Variants in OPCML observed in about 807,000 individuals in gnomAD.
OPCML encodes opioid-binding protein/cell adhesion molecule.
A neutral mutation model predicts 37.8 loss-of-function variants in OPCML; 13 were observed. The ratio of observed to expected loss-of-function variants is 0.34; its 90% CI spans 0.22 to 0.55. The LOEUF is 0.55. OPCML is among the 20% of genes least tolerant of loss of function. The pLI is 0.91. For missense variants in OPCML, 341 were observed against 435.6 expected, an observed-to-expected ratio of 0.78 and a Z score of 1.93; for synonymous variants, 176 against 168.8, an observed-to-expected ratio of 1.04 and a Z score of -0.33.
rs370306224 is a variant in OPCML at position 133,051,831 on chromosome 11, G to A, written c.62-108821C>T. ...TGGTGTTCCTCTCTCCACCGCCCAAGCCTGCATTTTCCAGATGGACAGCTC... is the reference window on the plus strand; with the variant it reads ...TGGTGTTCCTCTCTCCACCGCCCAAACCTGCATTTTCCAGATGGACAGCTC... On this transcript the variant is annotated intron_variant, in intron 1 of 7. Coordinates refer to ENST00000524381, the MANE Select transcript of OPCML (RefSeq NM_001012393.5). Among the ~76,000 whole-genome samples, 29 of 152,276 alleles carry A rather than the reference G, an allele frequency of 1.9e-4. 1 individual carries two copies. In the East Asian group the frequency reaches 2.9e-3, roughly 15 times the overall value.
At chr11:133,420,340 C>T (rs909194362) in intron 1 of OPCML, 1 of 985,386 alleles carries the variant, frequency 1.0e-6, no homozygotes, top group Non-Finnish European at 1.2e-6. Context: ...TTTTAGATAT[C>T]CTTTGCTGTT....
At chr11:133,333,916 G>C (rs1425806784) in intron 1 of OPCML, among the ~76,000 whole-genome samples, 2 of 152,128 alleles carry the variant, frequency 1.3e-5, no homozygotes, top group African/African-American at 4.8e-5. Context: ...GATCATTAGA[G>C]AAATGCAAAT....
At chr11:133,213,647 A>G (rs551552893) in intron 1 of OPCML, among the ~76,000 whole-genome samples, 10 of 152,284 alleles carry the variant, frequency 6.6e-5, no homozygotes, top group African/African-American at 2.2e-4. Context: ...GACTAGTTAC[A>G]TGAGATGCTA....
chr11:133,502,400 C>T (rs766546627), intron 1 of OPCML, among the ~76,000 whole-genome samples: 41 of 152,190 alleles, frequency 2.7e-4, no homozygotes, highest in African/African-American at 9.4e-4. Flanking sequence ...TACACCCCAG[C>T]GTCCTCGTCC....
chr11:132,521,234 A>G (rs1364683601), intron 4 of OPCML, among the ~76,000 whole-genome samples: 1 of 151,608 alleles, frequency 6.6e-6, no homozygotes, highest in Non-Finnish European at 1.5e-5. Flanking sequence ...CTGTTTTTTT[A>G]TCTTGTAAAT....
At chr11:132,425,580 G>T (rs1351297447) in intron 7 of OPCML, among the ~76,000 whole-genome samples, 2 of 152,250 alleles carry the variant, frequency 1.3e-5, no homozygotes, top group Non-Finnish European at 2.9e-5. Context: ...AGTAAAGGAT[G>T]ATGAAATATT....
At position 132,835,648 on chromosome 11, in the gene OPCML, C is replaced by T. The variant is rs547258569; in HGVS notation, c.146+107278G>A. On this transcript the variant is annotated intron_variant, in intron 2 of 7. Coordinates refer to ENST00000524381, the MANE Select transcript of OPCML (RefSeq NM_001012393.5). The stretch of plus-strand genomic sequence containing the variant: ...GTCATGGTGGGATACCTGTGTTTTA[C>T]TTATTTGTGAATCCCTGGACCCTAG... Among the ~76,000 whole-genome samples, 146 of 152,344 alleles carry T rather than the reference C, an allele frequency of 9.6e-4. 3 individuals are homozygous for T. The South Asian group carries it at 0.029, about 31-fold the overall frequency.
At chr11:133,368,283 G>C (rs978231830) in intron 1 of OPCML, among the ~76,000 whole-genome samples, 95 of 151,942 alleles carry the variant, frequency 6.3e-4, no homozygotes, top group African/African-American at 2.1e-3. Context: ...GGAGAAGGGA[G>C]AGGGAGAGGA....
At chr11:132,989,907 T>G (rs911050845) in intron 1 of OPCML, among the ~76,000 whole-genome samples, 5 of 152,104 alleles carry the variant, frequency 3.3e-5, no homozygotes, top group Non-Finnish European at 7.4e-5. Context: ...AACAAATACA[T>G]TTATTTTATC....
intron 3 of OPCML, among the ~76,000 whole-genome samples, chr11:132,566,971 GTT>G (rs71232598): frequency 2.1e-5 from 3 of 144,594 alleles, no homozygotes; most frequent in Non-Finnish European, 1.5e-5. Context: ...CATCAGTTAG[GTT>G]TTTTTTTTTT....
At chr11:133,120,961 C>T (rs1949411346) in intron 1 of OPCML, among the ~76,000 whole-genome samples, 1 of 152,252 alleles carries the variant, frequency 6.6e-6, no homozygotes, top group African/African-American at 2.4e-5. Context: ...CTTGCTCTGT[C>T]GCCCAGGCTG....
At chr11:133,449,307 A>G (rs1946532451) in intron 1 of OPCML, among the ~76,000 whole-genome samples, 2 of 152,236 alleles carry the variant, frequency 1.3e-5, no homozygotes, top group Non-Finnish European at 2.9e-5. Flanking sequence ...TGTAACAACT[A>G]CTCAGCTTTA....
intron 2 of OPCML, among the ~76,000 whole-genome samples, chr11:132,726,439 G>A (rs989488697): frequency 3.9e-5 from 6 of 151,946 alleles, no homozygotes; most frequent in African/African-American, 1.2e-4. Flanking sequence ...ACCTTCCACT[G>A]GGTCCCTCCC....
intron 1 of OPCML, among the ~76,000 whole-genome samples, chr11:132,993,282 A>G (rs146238854): frequency 2.0e-3 from 305 of 152,232 alleles, no homozygotes; most frequent in Middle Eastern, 6.8e-3. Flanking sequence ...ATCCTGTGTT[A>G]CTCACACACA....
Position 133,245,722 on chromosome 11 carries a change from G to A in OPCML, c.61+286542C>T, listed in dbSNP as rs144080777. Among the ~76,000 whole-genome samples, 217 of 152,222 alleles carry A rather than the reference G, an allele frequency of 1.4e-3. 5 individuals are homozygous for A. Among genetic ancestry groups the A allele is most frequent in the Middle Eastern group, 0.01 (3 of 294 alleles). ...GCAAAGACTTCGAACCAACCCAAAT[G>A]CCCATTAATGATAGACTGGATAAAG... On this transcript the variant is annotated intron_variant, in intron 1 of 7. Coordinates refer to ENST00000524381, the MANE Select transcript of OPCML (RefSeq NM_001012393.5).
intron 1 of OPCML, among the ~76,000 whole-genome samples, chr11:133,056,399 T>C (rs573388578): frequency 6.6e-6 from 1 of 152,316 alleles, no homozygotes; most frequent in Admixed American, 6.5e-5. Flanking sequence ...ATCAATCAGG[T>C]AAGCCAGATC....
intron 4 of OPCML, among the ~76,000 whole-genome samples, chr11:132,514,208 G>A (rs1294108628): frequency 6.6e-6 from 1 of 152,164 alleles, no homozygotes; most frequent in African/African-American, 2.4e-5. Flanking sequence ...TGATTTTGGT[G>A]ATAATGATGA....
At position 133,244,160 on chromosome 11, in the gene OPCML, C is replaced by A. The variant is rs574506399; in HGVS notation, c.61+288104G>T. Among the ~76,000 whole-genome samples, 5 of 152,300 alleles carry A rather than the reference C, an allele frequency of 3.3e-5. No homozygotes were observed. The South Asian group carries it at 1.0e-3, about 32-fold the overall frequency. ...TAGAGCATGGGGGTGAGGACACAGG[C>A]TTTGGCATCAGACTATCCGGCTTGG... is the stretch of plus-strand genomic sequence containing the variant. On this transcript the variant is annotated intron_variant, in intron 1 of 7. Coordinates refer to ENST00000524381, the MANE Select transcript of OPCML (RefSeq NM_001012393.5).
chr11:132,660,494 G>C (rs1941920243), intron 2 of OPCML, among the ~76,000 whole-genome samples: 1 of 152,134 alleles, frequency 6.6e-6, no homozygotes, highest in Admixed American at 6.5e-5. Flanking sequence ...TATCTGGAAA[G>C]TATATGATAC....
Sources: allele counts gnomAD v4.1 joint callset (sites outside exome capture counted in the v4.1 genomes callset), GRCh38; gene constraint gnomAD v4.1.1; transcripts MANE v1.5; gene names NCBI Gene and HGNC (gene_info 2026-07-23, HGNC 2026-07-21).